The following NOTCH2 variants were observed in gnomAD, a reference collection of about 807,000 sequenced individuals.
NOTCH2 encodes notch receptor 2.
Under a neutral mutation model 235.8 loss-of-function variants are expected in NOTCH2, and 29 were observed. That is an observed-to-expected ratio of 0.12 (90% confidence interval 0.09 to 0.17). The LOEUF is 0.17. Among genes scored for constraint, NOTCH2 ranks in the 10% least tolerant of loss-of-function variants. The probability of loss-of-function intolerance (pLI) is 1.00; values close to 1 mark genes in which losing one functional copy is unlikely to be tolerated. For synonymous variants in NOTCH2, 1,086 were observed against 1,141.5 expected (o/e 0.95, Z 0.98); for missense variants, 2,285 against 3,150.2 (o/e 0.73, Z 6.57).
At chr1:119,939,230 G>A (rs587749392) in intron 19 of NOTCH2, among the ~76,000 whole-genome samples, 40 of 152,284 alleles carry the variant, frequency 2.6e-4, no homozygotes, top group African/African-American at 8.9e-4. Context: ...AAATGACACC[G>A]AAGGAAACAA....
intron 2 of NOTCH2, among the ~76,000 whole-genome samples, chr1:120,006,054 A>C (rs1445310968): frequency 6.6e-6 from 1 of 151,610 alleles, no homozygotes; most frequent in Non-Finnish European, 1.5e-5. Context: ...CTCCAATTTA[A>C]AATATGTAAG....
At chr1:119,992,012 C>T (rs774618352) in intron 4 of NOTCH2, among the ~76,000 whole-genome samples, 2 of 120,894 alleles carry the variant, frequency 1.7e-5, no homozygotes, top group Non-Finnish European at 3.3e-5. Context: ...CTCCATCACC[C>T]GCCCAGGCTC....
At chr1:119,960,851 G>A (rs1650909334) in intron 11 of NOTCH2, among the ~76,000 whole-genome samples, 1 of 151,796 alleles carries the variant, frequency 6.6e-6, no homozygotes. Flanking sequence ...TTTTTTGTAG[G>A]GACGAGGTTT....
intron 5 of NOTCH2, among the ~76,000 whole-genome samples, chr1:119,978,767 A>G (rs782457867): frequency 3.9e-5 from 6 of 152,172 alleles, no homozygotes; most frequent in African/African-American, 1.4e-4. Flanking sequence ...AGTTTACATA[A>G]AAGCCCCTCA....
At chr1:119,988,710 GC>G (rs1316509815) in intron 4 of NOTCH2, among the ~76,000 whole-genome samples, 3 of 152,130 alleles carry the variant, frequency 2.0e-5, no homozygotes, top group African/African-American at 4.8e-5. Flanking sequence ...GGAAAATGGG[GC>G]CCCTGGCCTA....
At chr1:119,919,180 C>G (rs1388679570) in intron 31 of NOTCH2, 132 bp downstream of exon 31, 8 of 1,013,448 alleles carry the variant, frequency 7.9e-6, no homozygotes, top group Admixed American at 2.1e-5. Flanking sequence ...ATCTACCAAG[C>G]ATGACTCTAA....
intron 22 of NOTCH2, among the ~76,000 whole-genome samples, chr1:119,934,113 T>C (rs1553195471): frequency 6.6e-6 from 1 of 152,232 alleles, no homozygotes; most frequent in East Asian, 1.9e-4. Context: ...TTAGCTGCTA[T>C]AGCTTGAAGT....
chr1:119,983,801 A>G (rs1651908779), intron 5 of NOTCH2, among the ~76,000 whole-genome samples: 1 of 152,214 alleles, frequency 6.6e-6, no homozygotes, highest in South Asian at 2.1e-4. Flanking sequence ...ATGTATATGT[A>G]GTTACAAAAC....
At position 119,914,713 on chromosome 1, in the gene NOTCH2, G is replaced by A. The variant is rs1024216459; in HGVS notation, c.*593C>T. 7 of 249,422 alleles carry A rather than the reference G, an allele frequency of 2.8e-5. No individual in the cohort carries two copies. The highest frequency in any genetic ancestry group is 6.6e-5 in the African/African-American group (3 of 45,562). The allele number at this position is 249,422 out of a possible 1,614,324, so 15.5% of individuals were successfully genotyped here. A position where few individuals can be genotyped will look rare whatever the true frequency, so the allele number is the denominator to read the frequency against. ...ACCTTGTGAGACTCCAAGGGATACCGGGAAGACAGGAGGGGAAAGGAGACC... is the reference window on the plus strand; with the variant it reads ...ACCTTGTGAGACTCCAAGGGATACCAGGAAGACAGGAGGGGAAAGGAGACC... On this transcript the variant is annotated 3_prime_UTR_variant, in exon 34 of 34. Coordinates refer to ENST00000256646, the MANE Select transcript of NOTCH2 (RefSeq NM_024408.4).
At chr1:119,998,035 G>A (rs1281188206) in intron 3 of NOTCH2, among the ~76,000 whole-genome samples, 2 of 144,956 alleles carry the variant, frequency 1.4e-5, no homozygotes, top group African/African-American at 5.1e-5. Flanking sequence ...CCCTATCTTG[G>A]CAACTGTACT....
intron 5 of NOTCH2, 72 bp downstream of exon 5, chr1:119,986,887 AT>A: frequency 6.2e-7 from 1 of 1,603,336 alleles, no homozygotes; most frequent in African/African-American, 1.3e-5. Context: ...TGTTACTGAT[AT>A]TTTAAAAAAA....
intron 22 of NOTCH2, among the ~76,000 whole-genome samples, chr1:119,934,551 C>A (rs913295491): frequency 2.6e-5 from 4 of 152,182 alleles, no homozygotes; most frequent in African/African-American, 7.2e-5. Context: ...CCTTAGTTTT[C>A]TTCTTCCCAT....
Position 119,967,557 on chromosome 1 carries a change from C to G in NOTCH2, c.1329G>C (p.Glu443Asp). 6.2e-7 allele frequency: 1 copy of G among 1,614,132 alleles called. No individual in the cohort carries two copies. The highest frequency in any genetic ancestry group is 8.5e-7 in the Non-Finnish European group (1 of 1,180,000). ...GAGGTCCTGCATAACCCTTCAGACA[C>G]TCACAGTGGAAGGCGCCATCCGTGT... Reference protein sequence around the residue: ...CVNTDGAFHCECLKGYAGPRC... With the variant: ...CVNTDGAFHCDCLKGYAGPRC... The change falls in exon 8 of 34, where the codon GAG (glutamate) becomes GAC (aspartate). Residue 443 changes from glutamate (E) to aspartate (D), a missense_variant. Around this residue, in one of 6 missense-constraint regions of NOTCH2, gnomAD observed 431 missense variants for 757.8 expected, o/e 0.57. Transcript: ENST00000256646.
In NOTCH2 at chr1:120,048,440, T is replaced by C. The variant is rs1240124809; in HGVS notation, c.74-18453A>G. Reference sequence around the variant, plus strand: ...TGGCTTGGCAATTAGACAGGCCCAATACCACTTTTTTTTTTTTTTTTTTTT... The same window carrying C: ...TGGCTTGGCAATTAGACAGGCCCAACACCACTTTTTTTTTTTTTTTTTTTT... On this transcript the variant is annotated intron_variant, in intron 1 of 33. Transcript: ENST00000256646. 6.5e-5 allele frequency among the ~76,000 whole-genome samples: 8 copies of C among 122,178 alleles called. 1 individual carries two copies. Among genetic ancestry groups the C allele is most frequent in the African/African-American group, 1.4e-4 (3 of 21,808 alleles). 80.2% of individuals were successfully genotyped at this position (122,178 alleles called of 152,430 possible).
At chr1:119,981,821 T>C (rs782212525) in intron 5 of NOTCH2, among the ~76,000 whole-genome samples, 5 of 152,016 alleles carry the variant, frequency 3.3e-5, no homozygotes, top group South Asian at 4.1e-4. Context: ...AGCAGAAAAA[T>C]TGAAATGTGA....
chr1:119,966,356 G>T lies in NOTCH2; in HGVS notation c.1567+20C>A. 1 of 1,542,158 alleles carries T rather than the reference G, an allele frequency of 6.5e-7. No homozygotes were observed. The highest frequency in any genetic ancestry group is 9.0e-7 in the Non-Finnish European group (1 of 1,114,178). On this transcript the variant is annotated intron_variant, in intron 9 of 33. Coordinates refer to ENST00000256646, the MANE Select transcript of NOTCH2 (RefSeq NM_024408.4). The stretch of plus-strand genomic sequence containing the variant: ...GCTTTGTGCTTTAAGAGAAAACAGG[G>T]CCAGGTCGTGGGCACTTACCAGGAG...
At chr1:119,958,196 G>C (rs956635632) in intron 12 of NOTCH2, among the ~76,000 whole-genome samples, 1 of 152,184 alleles carries the variant, frequency 6.6e-6, no homozygotes, top group Admixed American at 6.5e-5. Context: ...GGAGTAACAA[G>C]TTTCAGGATG....
chr1:119,920,384 G>T lies in NOTCH2; in HGVS notation c.5324C>A (p.Ala1775Asp). 1 of 1,614,178 alleles carries T rather than the reference G, an allele frequency of 6.2e-7. No individual in the cohort carries two copies. Among genetic ancestry groups the T allele is most frequent in the Non-Finnish European group, 8.5e-7 (1 of 1,180,040 alleles). Residue 1775 changes from alanine to aspartate, a missense_variant, in exon 30 of 34, where the codon GCC (alanine) becomes GAC (aspartate). Physicochemically the swap from Ala to Asp is moderately radical, Grantham distance 126 (BLOSUM62 -2). Coordinates refer to ENST00000256646, the MANE Select transcript of NOTCH2 (RefSeq NM_024408.4). ...GGGGTCATCTTCTTCTGAGAGTAAG[G>T]CCTCATCTTCAGCCTGAAAGGTGAA... ...QPKKVKAEDE[A>D]LLSEEDDPID...
chr1:120,060,532 A>C (rs1486716271), intron 1 of NOTCH2, among the ~76,000 whole-genome samples: 3 of 151,368 alleles, frequency 2.0e-5, no homozygotes, highest in East Asian at 1.9e-4. Context: ...TATACCAAAA[A>C]ATTAATGGCA....
Sources: gnomAD v4.1 joint callset for allele counts (sites outside exome capture counted in the v4.1 genomes callset) on GRCh38, gnomAD v4.1.1 for gene constraint, gnomAD v4.1.1 regional missense constraint, MANE v1.5 for transcripts, NCBI Gene and HGNC (gene_info 2026-07-23, HGNC 2026-07-21) for gene names.